IQCJ: variants seen among roughly 807,000 people sequenced by gnomAD.
The protein encoded by IQCJ is IQ domain-containing protein J.
IQCJ carries 9 observed loss-of-function variants against 11.0 expected under a neutral mutation model. The observed-to-expected ratio is 0.82, with a 90% CI of 0.49 to 1.43. IQCJ has a LOEUF of 1.43. IQCJ is among the 40% of genes most tolerant of loss of function. IQCJ has a pLI of 0.00. For missense variants in IQCJ, 146 were observed against 133.2 expected (o/e 1.10, Z -0.47); for synonymous variants, 55 against 51.3 (o/e 1.07, Z -0.31).
At chr3:159,113,560 C>T (rs759356509) in intron 1 of IQCJ, among the ~76,000 whole-genome samples, 2 of 152,160 alleles carry the variant, frequency 1.3e-5, no homozygotes, top group Non-Finnish European at 2.9e-5. Context: ...GCTTTATGTT[C>T]GTTTAATAAG....
In IQCJ at chr3:159,069,427, T is replaced by C. The variant is rs748803689; in HGVS notation, c.-6T>C. On this transcript the variant is annotated 5_prime_UTR_variant, in exon 1 of 4. Coordinates refer to ENST00000397832, the MANE Select transcript of IQCJ (RefSeq NM_001042706.3). ...TTTCACCTGCAGGTGTTCCAGAAAC[T>C]TCAAAATGCGTCTGGTAATGTATTT... 5 of 1,610,128 alleles carry C rather than the reference T, an allele frequency of 3.1e-6. No homozygotes were observed. The highest frequency in any genetic ancestry group is 2.5e-6 in the Non-Finnish European group (3 of 1,178,266).
At chr3:159,112,676 C>A (rs1347533950) in intron 1 of IQCJ, among the ~76,000 whole-genome samples, 1 of 152,104 alleles carries the variant, frequency 6.6e-6, no homozygotes, top group Non-Finnish European at 1.5e-5. Context: ...CCTCGCACAC[C>A]GTTTCGTTGG....
At chr3:159,256,393 T>C (rs180689812) in intron 3 of IQCJ, among the ~76,000 whole-genome samples, 10 of 152,118 alleles carry the variant, frequency 6.6e-5, no homozygotes, top group East Asian at 1.9e-4. Context: ...CAGAGAGAGA[T>C]AGCATTCCCA....
chr3:159,252,595 A>G, intron 2 of IQCJ, 132 bp from the exon 3 acceptor site: 2 of 796,260 alleles, frequency 2.5e-6, no homozygotes, highest in Non-Finnish European at 3.7e-6. Context: ...ATCAACAGGA[A>G]CTTTAATAAA....
chr3:159,258,996 A>G (rs1728054043), intron 3 of IQCJ, among the ~76,000 whole-genome samples: 1 of 152,074 alleles, frequency 6.6e-6, no homozygotes, highest in South Asian at 2.1e-4. Context: ...TCTCAATCCC[A>G]TCCATGCTTC....
intron 3 of IQCJ, among the ~76,000 whole-genome samples, chr3:159,257,858 C>G (rs1727984542): frequency 6.6e-6 from 1 of 152,186 alleles, no homozygotes; most frequent in African/African-American, 2.4e-5. Flanking sequence ...CTGCCTTTTG[C>G]TGAACCGTAA....
intron 1 of IQCJ, among the ~76,000 whole-genome samples, chr3:159,120,750 A>G (rs963381533): frequency 5.9e-5 from 9 of 152,204 alleles, no homozygotes; most frequent in South Asian, 2.1e-4. Flanking sequence ...AAACTCACCT[A>G]AAGTGGCTAA....
rs547789681 is a variant in IQCJ at position 159,101,634 on chromosome 3, A to C, written c.9+32193A>C. On this transcript the variant is annotated intron_variant, in intron 1 of 3. Coordinates refer to ENST00000397832, the MANE Select transcript of IQCJ (RefSeq NM_001042706.3). ...AGCTCTGGGTAGTGATCTCACAGGAACTGGCTTTAGCTGTTCTTGACAATT... is the reference window on the plus strand; with the variant it reads ...AGCTCTGGGTAGTGATCTCACAGGACCTGGCTTTAGCTGTTCTTGACAATT... 2.6e-5 allele frequency among the ~76,000 whole-genome samples: 4 copies of C among 152,324 alleles called. No individual in the cohort carries two copies. In the East Asian group the frequency reaches 7.7e-4, roughly 29 times the overall value.
intron 1 of IQCJ, among the ~76,000 whole-genome samples, chr3:159,091,674 G>GCGCGCA (rs1309106648): frequency 1.2e-5 from 1 of 81,270 alleles, no homozygotes; most frequent in African/African-American, 8.3e-5. Flanking sequence ...ACACACGCAT[G>GCGCGCA]CACACACACA....
At chr3:159,235,023 C>T (rs748377672) in intron 1 of IQCJ, among the ~76,000 whole-genome samples, 4 of 152,060 alleles carry the variant, frequency 2.6e-5, no homozygotes, top group Non-Finnish European at 5.9e-5. Context: ...GTGCAAGAAA[C>T]CCAGAGTTGG....
At chr3:159,116,276 G>T (rs1347980482) in intron 1 of IQCJ, among the ~76,000 whole-genome samples, 1 of 151,700 alleles carries the variant, frequency 6.6e-6, no homozygotes, top group Non-Finnish European at 1.5e-5. Flanking sequence ...ACAAGAGGAA[G>T]AATAAGAGGA....
chr3:159,094,599 G>C (rs901850199), intron 1 of IQCJ, among the ~76,000 whole-genome samples: 1 of 151,616 alleles, frequency 6.6e-6, no homozygotes, highest in Non-Finnish European at 1.5e-5. Context: ...TCTACAAAAT[G>C]GAGAGAGCCA....
At chr3:159,195,543 T>C (rs1162276137) in intron 1 of IQCJ, among the ~76,000 whole-genome samples, 1 of 152,236 alleles carries the variant, frequency 6.6e-6, no homozygotes, top group Non-Finnish European at 1.5e-5. Context: ...CCAGACCTGA[T>C]GTCCCTATTA....
At chr3:159,092,879 G>C (rs1049342289) in intron 1 of IQCJ, among the ~76,000 whole-genome samples, 1 of 151,560 alleles carries the variant, frequency 6.6e-6, no homozygotes, top group Non-Finnish European at 1.5e-5. Context: ...GAGGTATTTA[G>C]GGGTGAAGTT....
intron 1 of IQCJ, among the ~76,000 whole-genome samples, chr3:159,101,277 C>G (rs939725323): frequency 2.7e-5 from 4 of 150,838 alleles, no homozygotes; most frequent in Non-Finnish European, 5.9e-5. Flanking sequence ...CTGGCACTCC[C>G]TAGTGAGATG....
intron 1 of IQCJ, among the ~76,000 whole-genome samples, chr3:159,154,471 C>A (rs1055091220): frequency 2.0e-5 from 3 of 151,896 alleles, no homozygotes; most frequent in Non-Finnish European, 2.9e-5. Flanking sequence ...TTTGATTCAC[C>A]AACTTTGTAT....
At chr3:159,147,750 T>A (rs1720999357) in intron 1 of IQCJ, among the ~76,000 whole-genome samples, 1 of 152,264 alleles carries the variant, frequency 6.6e-6, no homozygotes, top group Admixed American at 6.5e-5. Context: ...GAACTCTGTA[T>A]GGTCATCTTG....
chr3:159,251,490 A>C (rs1219840297), intron 2 of IQCJ, among the ~76,000 whole-genome samples: 1 of 151,862 alleles, frequency 6.6e-6, no homozygotes, highest in Non-Finnish European at 1.5e-5. Context: ...GTAGATCATA[A>C]TCTATTGATG....
intron 1 of IQCJ, among the ~76,000 whole-genome samples, chr3:159,167,965 C>T (rs1213709599): frequency 6.6e-6 from 1 of 152,148 alleles, no homozygotes; most frequent in Non-Finnish European, 1.5e-5. Flanking sequence ...GATGGGCCCG[C>T]AGAGGCAGGG....
Sources: allele counts gnomAD v4.1 joint callset (sites outside exome capture counted in the v4.1 genomes callset), GRCh38; gene constraint gnomAD v4.1.1; transcripts MANE v1.5; gene names NCBI Gene and HGNC (gene_info 2026-07-23, HGNC 2026-07-21).